The following EYS variants were observed in gnomAD, a reference collection of about 807,000 sequenced individuals.
EYS encodes EGF-like photoreceptor maintenance factor, also known as protein eyes shut homolog.
A neutral mutation model predicts 282.1 loss-of-function variants in EYS; 250 were observed. That is an observed-to-expected ratio of 0.89 (90% CI 0.80 to 0.98). The LOEUF (loss-of-function observed/expected upper bound fraction) is 0.98. EYS is among the 50% of genes least tolerant of loss of function. The pLI, the probability that EYS is intolerant of heterozygous loss-of-function variation, is 0.00. For missense variants in EYS, 4,016 were observed against 3,709.0 expected (o/e 1.08, Z -2.15); for synonymous variants, 1,355 against 1,282.9 (o/e 1.06, Z -1.20).
At chr6:63,799,142 T>C (rs1487838472) in intron 37 of EYS, among the ~76,000 whole-genome samples, 2 of 150,856 alleles carry the variant, frequency 1.3e-5, no homozygotes, top group Admixed American at 6.6e-5. Flanking sequence ...GCCTCCTGAG[T>C]AGCTGGGATT....
intron 2 of EYS, among the ~76,000 whole-genome samples, chr6:65,637,390 G>C (rs1767123230): frequency 6.6e-6 from 1 of 152,226 alleles, no homozygotes; most frequent in African/African-American, 2.4e-5. Flanking sequence ...GACCAGTGTG[G>C]AGCAGCTGCT....
chr6:64,101,970 C>T lies in EYS; in HGVS notation c.6425-19968G>A, dbSNP rs546005639. Among the ~76,000 whole-genome samples, 4 of 151,826 alleles carry T rather than the reference C, an allele frequency of 2.6e-5. No homozygotes were observed. The East Asian group carries it at 5.8e-4, about 22-fold the overall frequency. On this transcript the variant is annotated intron_variant, in intron 31 of 42. Coordinates refer to ENST00000503581, the MANE Select transcript of EYS (RefSeq NM_001142800.2). ...TTGTGCTCCTAGGAGAATCTAATGC[C>T]ACTGCTTATCTGACAGCGGGTGGAG...
intron 30 of EYS, among the ~76,000 whole-genome samples, chr6:64,268,060 T>C (rs1767817738): frequency 6.6e-6 from 1 of 152,158 alleles, no homozygotes; most frequent in Non-Finnish European, 1.5e-5. Flanking sequence ...AAATATATAG[T>C]GGGTGATATT....
chr6:65,599,794 G>A (rs1304399407), intron 2 of EYS, among the ~76,000 whole-genome samples: 1 of 151,938 alleles, frequency 6.6e-6, no homozygotes, highest in East Asian at 1.9e-4. Context: ...TATTCATAGG[G>A]AAGGGGTTGG....
chr6:64,206,831 T>A (rs4618503), intron 31 of EYS, among the ~76,000 whole-genome samples: 151,565 of 152,322 alleles, frequency 1, 75,411 homozygotes, highest in East Asian at 1. Context: ...AACATGTTAA[T>A]TTTTTTTAAG....
chr6:65,056,871 T>G (rs972287183), intron 13 of EYS, among the ~76,000 whole-genome samples: 1 of 152,076 alleles, frequency 6.6e-6, no homozygotes, highest in African/African-American at 2.4e-5. Flanking sequence ...CTTATTGTCA[T>G]TTAACAGTGA....
At chr6:65,255,050 C>T in intron 12 of EYS, among the ~76,000 whole-genome samples, 1 of 151,548 alleles carries the variant, frequency 6.6e-6, no homozygotes, top group African/African-American at 2.4e-5. Context: ...TATGGAAGCA[C>T]AAAAGACCCA....
intron 12 of EYS, among the ~76,000 whole-genome samples, chr6:65,287,834 G>C (rs902891346): frequency 6.6e-6 from 1 of 151,172 alleles, no homozygotes; most frequent in Non-Finnish European, 1.5e-5. Flanking sequence ...CTTCCAAAGT[G>C]AAGAAAAACT....
At chr6:65,058,437 C>A (rs1262620647) in intron 12 of EYS, among the ~76,000 whole-genome samples, 1 of 138,654 alleles carries the variant, frequency 7.2e-6, no homozygotes. Flanking sequence ...AGACATGGGC[C>A]ACTGAGCCTG....
chr6:65,479,213 G>A (rs1765514207), intron 5 of EYS, among the ~76,000 whole-genome samples: 1 of 152,166 alleles, frequency 6.6e-6, no homozygotes, highest in Admixed American at 6.5e-5. Context: ...TCTACCATAC[G>A]TGTAACTGTA....
At position 64,044,674 on chromosome 6, in the gene EYS, G is replaced by T. The variant is rs564487953; in HGVS notation, c.6725+21664C>A. On this transcript the variant is annotated intron_variant, in intron 33 of 42. Coordinates refer to ENST00000503581, the MANE Select transcript of EYS (RefSeq NM_001142800.2). ...CTTAACATTCTTTCTGTTCTTTTCAGGGGAAAAATTTACTTTTTCTTTTTT... is the reference window on the plus strand; with the variant it reads ...CTTAACATTCTTTCTGTTCTTTTCATGGGAAAAATTTACTTTTTCTTTTTT... Among the ~76,000 whole-genome samples, 11 of 152,112 alleles carry T rather than the reference G, an allele frequency of 7.2e-5. No homozygotes were observed. The South Asian group carries it at 2.3e-3, about 32-fold the overall frequency.
chr6:65,541,410 T>A (rs2127321355), intron 2 of EYS, among the ~76,000 whole-genome samples: 1 of 152,298 alleles, frequency 6.6e-6, no homozygotes, highest in Admixed American at 6.5e-5. Flanking sequence ...AAGTTGTATT[T>A]TTTTAGAAGA....
At chr6:64,069,811 T>C (rs1295752092) in intron 32 of EYS, among the ~76,000 whole-genome samples, 1 of 152,124 alleles carries the variant, frequency 6.6e-6, no homozygotes, top group African/African-American at 2.4e-5. Flanking sequence ...CATCTTTTGA[T>C]TTACTGAATT....
chr6:65,370,780 G>A (rs1765113845), intron 8 of EYS, among the ~76,000 whole-genome samples: 1 of 151,856 alleles, frequency 6.6e-6, no homozygotes, highest in Non-Finnish European at 1.5e-5. Flanking sequence ...TCCTATAAGG[G>A]AGTCCCTCCA....
intron 1 of EYS, among the ~76,000 whole-genome samples, chr6:65,653,607 C>T (rs899642320): frequency 6.6e-6 from 1 of 151,894 alleles, no homozygotes; most frequent in African/African-American, 2.4e-5. Flanking sequence ...AATTCTGACT[C>T]ATGTAAGTCT....
chr6:64,947,185 C>T (rs1156401165), intron 14 of EYS, among the ~76,000 whole-genome samples: 1 of 151,704 alleles, frequency 6.6e-6, no homozygotes, highest in Non-Finnish European at 1.5e-5. Flanking sequence ...CATGATATGA[C>T]CAATAATTTA....
chr6:64,464,919 C>T (rs1775868022), intron 26 of EYS, among the ~76,000 whole-genome samples: 1 of 151,502 alleles, frequency 6.6e-6, no homozygotes, highest in African/African-American at 2.4e-5. Context: ...CTTTAAAGAA[C>T]TAGCAATGTT....
chr6:65,556,635 T>C (rs1385021410), intron 2 of EYS, among the ~76,000 whole-genome samples: 2 of 152,180 alleles, frequency 1.3e-5, no homozygotes, highest in Non-Finnish European at 2.9e-5. Flanking sequence ...TACCATATTA[T>C]AATAATGTAG....
intron 26 of EYS, among the ~76,000 whole-genome samples, chr6:64,480,255 C>T (rs1021152905): frequency 9.9e-5 from 15 of 151,806 alleles, no homozygotes; most frequent in Non-Finnish European, 1.9e-4. Flanking sequence ...TTCATATGTA[C>T]ACCTCCAGGA....
Sources: allele counts gnomAD v4.1 joint callset (sites outside exome capture counted in the v4.1 genomes callset), GRCh38; gene constraint gnomAD v4.1.1; transcripts MANE v1.5; gene names NCBI Gene and HGNC (gene_info 2026-07-23, HGNC 2026-07-21).